The following MALRD1 variants were observed in gnomAD, a reference collection of about 807,000 sequenced individuals.
MALRD1 encodes MAM and LDL receptor class A domain containing 1.
MALRD1 carries 247 observed loss-of-function variants against 242.1 expected under a neutral mutation model. The ratio of observed to expected loss-of-function variants is 1.02; its 90% CI spans 0.92 to 1.13. The LOEUF (loss-of-function observed/expected upper bound fraction) is 1.13. Among genes scored for constraint, MALRD1 ranks in the 50% most tolerant of loss-of-function variants. The pLI is 0.00. For missense variants in MALRD1, 2,989 were observed against 2,533.1 expected (o/e 1.18, Z -3.86); for synonymous variants, 995 against 866.6 (o/e 1.15, Z -2.60).
intron 28 of MALRD1, among the ~76,000 whole-genome samples, chr10:19,414,319 C>T (rs548546136): frequency 2.4e-4 from 36 of 152,104 alleles, no homozygotes; most frequent in Non-Finnish European, 3.4e-4. Context: ...CATTTTGTCA[C>T]GAATAAGATA....
Position 19,231,449 on chromosome 10 carries a change from C to T in MALRD1, c.2991+21769C>T, listed in dbSNP as rs143466484. Among the ~76,000 whole-genome samples the T allele has an allele frequency of 2.3e-4, 35 of 152,224 alleles. No individual in the cohort carries two copies. In the East Asian group the frequency reaches 6.2e-3, roughly 27 times the overall value. On this transcript the variant is annotated intron_variant, in intron 18 of 39. Transcript: ENST00000454679. ...ACCCTCATTAGCCATTGATGTGATT[C>T]GGCTGTGTCTCTGCCTGAATCTCAC... is the stretch of plus-strand genomic sequence containing the variant.
chr10:19,164,389 A>G (rs546777180), intron 12 of MALRD1, among the ~76,000 whole-genome samples: 1 of 152,326 alleles, frequency 6.6e-6, no homozygotes, highest in East Asian at 1.9e-4. Context: ...TCCATTTATC[A>G]GTATAAAAGC....
chr10:19,415,911 G>A (rs1265672927), intron 28 of MALRD1, among the ~76,000 whole-genome samples: 1 of 152,122 alleles, frequency 6.6e-6, no homozygotes, highest in Non-Finnish European at 1.5e-5. Context: ...TAAGAATACG[G>A]CTTGATAAAT....
intron 14 of MALRD1, among the ~76,000 whole-genome samples, chr10:19,190,830 T>TAAG (rs983107553): frequency 2.6e-5 from 4 of 152,052 alleles, no homozygotes; most frequent in Non-Finnish European, 5.9e-5. Context: ...AAACTAAATA[T>TAAG]AAGACCTAAA....
intron 38 of MALRD1, chr10:19,711,360 T>C (rs954913326): frequency 1.3e-5 from 2 of 152,338 alleles, no homozygotes; most frequent in African/African-American, 4.8e-5. Flanking sequence ...CAAACATCTG[T>C]TAAGCACCTA....
intron 28 of MALRD1, among the ~76,000 whole-genome samples, chr10:19,399,663 ATATCT>A (rs1238281714): frequency 6.6e-6 from 1 of 152,214 alleles, no homozygotes; most frequent in African/African-American, 2.4e-5. Context: ...ATAATCTTAG[ATATCT>A]TATCTCTGTA....
intron 36 of MALRD1, among the ~76,000 whole-genome samples, chr10:19,658,205 A>G (rs936621759): frequency 6.6e-6 from 1 of 152,124 alleles, no homozygotes; most frequent in Non-Finnish European, 1.5e-5. Context: ...GTCATAAAAC[A>G]TTAAGAATCT....
intron 38 of MALRD1, among the ~76,000 whole-genome samples, chr10:19,720,197 C>G (rs1301921766): frequency 6.6e-6 from 1 of 152,182 alleles, no homozygotes; most frequent in African/African-American, 2.4e-5. Context: ...ATCAAATTCT[C>G]TAAGGCGTTG....
chr10:19,603,553 A>G (rs1022461811), intron 34 of MALRD1, among the ~76,000 whole-genome samples: 4 of 151,998 alleles, frequency 2.6e-5, no homozygotes, highest in African/African-American at 7.2e-5. Flanking sequence ...ATTGGTCTAT[A>G]TCTCTGTTTT....
intron 36 of MALRD1, among the ~76,000 whole-genome samples, chr10:19,687,950 T>C (rs908310575): frequency 7.3e-5 from 11 of 151,162 alleles, no homozygotes; most frequent in Non-Finnish European, 1.2e-4. Context: ...TATGTTATGT[T>C]ATGTTATGTT....
At chr10:19,101,152 A>G (rs1190805308) in intron 4 of MALRD1, among the ~76,000 whole-genome samples, 1 of 151,294 alleles carries the variant, frequency 6.6e-6, no homozygotes, top group African/African-American at 2.4e-5. Flanking sequence ...ACAAAGAAGA[A>G]AACTGAGGTA....
intron 38 of MALRD1, among the ~76,000 whole-genome samples, chr10:19,693,816 C>T (rs1833224999): frequency 1.3e-5 from 2 of 152,172 alleles, no homozygotes; most frequent in East Asian, 1.9e-4. Context: ...CGCTACCTGA[C>T]TTCAAACTAT....
intron 24 of MALRD1, among the ~76,000 whole-genome samples, chr10:19,335,588 A>G (rs994311163): frequency 6.6e-6 from 1 of 152,174 alleles, no homozygotes; most frequent in African/African-American, 2.4e-5. Context: ...AATGATTTCA[A>G]AAGTTTGGCT....
chr10:19,652,982 T>C (rs1029153723), intron 36 of MALRD1, among the ~76,000 whole-genome samples: 1 of 152,180 alleles, frequency 6.6e-6, no homozygotes, highest in Non-Finnish European at 1.5e-5. Flanking sequence ...GGGCATAATT[T>C]ACATATCAGT....
In MALRD1 at chr10:19,157,768, GT is replaced by G. The variant is rs1011421062; in HGVS notation, c.1656+2605del. The stretch of plus-strand genomic sequence containing the variant: ...AGCCTTCATTTTCTGAAATTATATG[GT>G]TTTTTTTTCCTACATAATCCTAGCA... On this transcript the variant is annotated intron_variant, in intron 12 of 39. Coordinates refer to ENST00000454679, the MANE Select transcript of MALRD1 (RefSeq NM_001142308.3). Among the ~76,000 whole-genome samples the G allele has an allele frequency of 1.1e-3, 159 of 151,310 alleles. No homozygotes were observed. The East Asian group carries it at 0.016, about 15-fold the overall frequency.
rs555178723 is a variant in MALRD1, at chr10:19,275,736, T to C, written c.3080-4311T>C. 1.8e-3 allele frequency among the ~76,000 whole-genome samples: 273 copies of C among 152,244 alleles called. 1 individual carries two copies. Among genetic ancestry groups the C allele is most frequent in the African/African-American group, 6.4e-3 (265 of 41,542 alleles). The stretch of plus-strand genomic sequence containing the variant: ...TCAGTAAATCCTAGGTATTTGTGAC[T>C]AGAAGTGTATTATCGAGCAAGTTTA... On this transcript the variant is annotated intron_variant, in intron 19 of 39. Coordinates refer to ENST00000454679, the MANE Select transcript of MALRD1 (RefSeq NM_001142308.3).
At chr10:19,553,244 C>T (rs966832602) in intron 32 of MALRD1, among the ~76,000 whole-genome samples, 4 of 152,014 alleles carry the variant, frequency 2.6e-5, no homozygotes, top group South Asian at 2.1e-4. Flanking sequence ...AAGGAAAACA[C>T]TCACAAAATT....
chr10:19,238,858 C>G (rs985358729), intron 18 of MALRD1, among the ~76,000 whole-genome samples: 2 of 151,030 alleles, frequency 1.3e-5, no homozygotes, highest in African/African-American at 4.9e-5. Flanking sequence ...GTAAGTGTTC[C>G]CTTTTCTCCA....
At chr10:19,586,335 T>C (rs1445983097) in intron 33 of MALRD1, among the ~76,000 whole-genome samples, 1 of 152,166 alleles carries the variant, frequency 6.6e-6, no homozygotes, top group Non-Finnish European at 1.5e-5. Context: ...TTCTGCTCTG[T>C]TTTTTCCCCA....
Sources: allele counts gnomAD v4.1 joint callset (sites outside exome capture counted in the v4.1 genomes callset), GRCh38; gene constraint gnomAD v4.1.1; transcripts MANE v1.5; gene names NCBI Gene and HGNC (gene_info 2026-07-23, HGNC 2026-07-21).